BORCS5: variants seen among roughly 807,000 people sequenced by gnomAD.
BORCS5 encodes BLOC-1-related complex subunit 5.
Under a neutral mutation model 22.1 loss-of-function variants are expected in BORCS5, and 17 were observed. That is an observed-to-expected ratio of 0.77 (90% CI 0.53 to 1.15). The LOEUF (loss-of-function observed/expected upper bound fraction) is 1.15, where lower values mean the gene tolerates loss of function less well. Ranked by LOEUF, BORCS5 falls within the 50% of genes most tolerant of loss-of-function variation. The pLI, the probability that BORCS5 is intolerant of heterozygous loss-of-function variation, is 0.00. For missense variants in BORCS5, 247 were observed against 253.2 expected (o/e 0.98, Z 0.17); for synonymous variants, 117 against 99.8 (o/e 1.17, Z -1.03).
At chr12:12,428,342 A>G (rs542620648) in intron 2 of BORCS5, among the ~76,000 whole-genome samples, 2 of 152,346 alleles carry the variant, frequency 1.3e-5, no homozygotes, top group South Asian at 2.1e-4. Flanking sequence ...TTACACAAAG[A>G]GGTAGGTACA....
intron 3 of BORCS5, among the ~76,000 whole-genome samples, chr12:12,452,845 G>A (rs1942936695): frequency 6.6e-6 from 1 of 152,214 alleles, no homozygotes; most frequent in South Asian, 2.1e-4. Context: ...GACCCTGAAA[G>A]GTTTTGTTGC....
intron 3 of BORCS5, among the ~76,000 whole-genome samples, chr12:12,442,517 G>A (rs559672932): frequency 3.9e-5 from 6 of 152,232 alleles, no homozygotes; most frequent in Admixed American, 3.3e-4. Flanking sequence ...AAGCATGGAG[G>A]GGGTTCAGAT....
intron 2 of BORCS5, among the ~76,000 whole-genome samples, chr12:12,394,374 G>A (rs1459049435): frequency 2.6e-5 from 4 of 151,902 alleles, no homozygotes; most frequent in East Asian, 1.9e-4. Flanking sequence ...GAGGCAGTCT[G>A]AAGGGCTTCC....
intron 2 of BORCS5, among the ~76,000 whole-genome samples, chr12:12,417,037 C>T (rs35908046): frequency 0.29 from 44,410 of 151,656 alleles, 7,864 homozygotes; most frequent in South Asian, 0.46. Flanking sequence ...GTGATCCACC[C>T]GCCTTGGCCT....
intron 2 of BORCS5, among the ~76,000 whole-genome samples, chr12:12,428,834 A>T (rs1222579210): frequency 6.6e-6 from 1 of 152,204 alleles, no homozygotes; most frequent in East Asian, 1.9e-4. Flanking sequence ...TTGGGTATAC[A>T]TTTTTCCCCT....
chr12:12,430,097 CCT>C (rs1278373389), intron 2 of BORCS5, among the ~76,000 whole-genome samples: 2 of 151,834 alleles, frequency 1.3e-5, no homozygotes, highest in African/African-American at 4.8e-5. Context: ...AAACGTGGTC[CCT>C]GTCTTCAACC....
At chr12:12,390,621 CTT>C (rs35168426) in intron 2 of BORCS5, among the ~76,000 whole-genome samples, 2 of 144,082 alleles carry the variant, frequency 1.4e-5, no homozygotes, top group Non-Finnish European at 1.5e-5. Flanking sequence ...ACCTTATCTC[CTT>C]TTTTTTTTTT....
At chr12:12,408,468 T>G (rs940317644) in intron 2 of BORCS5, among the ~76,000 whole-genome samples, 5 of 152,220 alleles carry the variant, frequency 3.3e-5, no homozygotes, top group Non-Finnish European at 1.5e-5. Flanking sequence ...ACATTGAGAT[T>G]GTTGTGTGAC....
chr12:12,455,380 A>G (rs1436358428), intron 3 of BORCS5, among the ~76,000 whole-genome samples: 2 of 152,230 alleles, frequency 1.3e-5, no homozygotes, highest in African/African-American at 2.4e-5. Context: ...TGAGATATCT[A>G]TTGAGATCAA....
At chr12:12,387,504 T>C (rs1030402179) in intron 2 of BORCS5, among the ~76,000 whole-genome samples, 10 of 151,522 alleles carry the variant, frequency 6.6e-5, no homozygotes, top group Admixed American at 3.3e-4. Context: ...CACGTGCTCA[T>C]GATTTTATGT....
intron 2 of BORCS5, among the ~76,000 whole-genome samples, chr12:12,372,239 C>T (rs986490405): frequency 5.9e-5 from 9 of 152,168 alleles, no homozygotes; most frequent in Admixed American, 3.3e-4. Flanking sequence ...GGGGTTTCGC[C>T]ATGTTGGCCA....
chr12:12,386,963 A>G (rs776779430), intron 2 of BORCS5, among the ~76,000 whole-genome samples: 1 of 150,928 alleles, frequency 6.6e-6, no homozygotes, highest in Non-Finnish European at 1.5e-5. Context: ...TCCTGGGCTC[A>G]AGTGATCCTC....
intron 2 of BORCS5, among the ~76,000 whole-genome samples, chr12:12,402,040 T>C (rs990026548): frequency 7.1e-6 from 1 of 140,424 alleles, no homozygotes; most frequent in African/African-American, 2.8e-5. Flanking sequence ...CACTTCAGCC[T>C]GGGCTACAGA....
chr12:12,393,707 G>A (rs12821577), intron 2 of BORCS5, among the ~76,000 whole-genome samples: 2 of 5,104 alleles, frequency 3.9e-4, no homozygotes, highest in Admixed American at 2.2e-3. Flanking sequence ...TTTAGTAGAG[G>A]CGGGGTTTCA....
intron 2 of BORCS5, among the ~76,000 whole-genome samples, chr12:12,371,970 G>A (rs1592059822): frequency 6.6e-6 from 1 of 152,050 alleles, no homozygotes; most frequent in South Asian, 2.1e-4. Context: ...CCCCTTAAAT[G>A]TCTTTGATCT....
intron 2 of BORCS5, among the ~76,000 whole-genome samples, chr12:12,414,688 T>C (rs1485982512): frequency 1.2e-5 from 1 of 81,396 alleles, no homozygotes. Flanking sequence ...GGCGGGGGGC[T>C]GACCCCCCCC....
rs932441459 is a variant in BORCS5, at chr12:12,362,313, A to G, written c.202+964A>G. Among the ~76,000 whole-genome samples, 86 of 152,154 alleles carry G rather than the reference A, an allele frequency of 5.7e-4. 1 individual carries two copies. The highest frequency in any genetic ancestry group is 2.0e-3 in the African/African-American group (83 of 41,422). ...ATCCTATATTACACTGTTCCACACTATTTAGAAAACAAAAACAAATGGTGC... is the reference window on the plus strand; with the variant it reads ...ATCCTATATTACACTGTTCCACACTGTTTAGAAAACAAAAACAAATGGTGC... On this transcript the variant is annotated intron_variant, in intron 2 of 3. Coordinates refer to ENST00000314565, the MANE Select transcript of BORCS5 (RefSeq NM_058169.6).
At chr12:12,433,322 CAAAA>C (rs34833037) in intron 2 of BORCS5, among the ~76,000 whole-genome samples, 13 of 40,668 alleles carry the variant, frequency 3.2e-4, no homozygotes, top group Admixed American at 1.2e-3. Flanking sequence ...GACTGTGTCT[CAAAA>C]AAAAAAAAAA....
chr12:12,396,463 T>C (rs1247545415), intron 2 of BORCS5, among the ~76,000 whole-genome samples: 1 of 151,974 alleles, frequency 6.6e-6, no homozygotes. Context: ...TAGAGGAGCA[T>C]GGTAGGGAAT....
Sources: gnomAD v4.1 joint callset for allele counts (sites outside exome capture counted in the v4.1 genomes callset) on GRCh38, gnomAD v4.1.1 for gene constraint, MANE v1.5 for transcripts, NCBI Gene and HGNC (gene_info 2026-07-23, HGNC 2026-07-21) for gene names.